BACH2: variants seen among roughly 807,000 people sequenced by gnomAD.
BACH2 encodes the protein BACH transcriptional regulator 2, also known as transcription regulator protein BACH2.
In BACH2, 5 loss-of-function variants were observed where a neutral mutation model predicts 61.8. That is an observed-to-expected ratio of 0.08 (90% CI 0.04 to 0.17). BACH2 has a LOEUF of 0.17. Among genes scored for constraint, BACH2 ranks in the 10% least tolerant of loss-of-function variants. The pLI is 1.00. For synonymous variants in BACH2, 446 were observed against 440.1 expected (o/e 1.01, Z -0.17); for missense variants, 824 against 1,091.1 (o/e 0.76, Z 3.45).
intron 3 of BACH2, among the ~76,000 whole-genome samples, chr6:90,210,780 C>T (rs1382956065): frequency 1.3e-5 from 2 of 152,156 alleles, no homozygotes; most frequent in African/African-American, 2.4e-5. Context: ...GTGACTTCCA[C>T]TCAGCTGATC....
At chr6:90,034,123 G>C (rs1216246778) in intron 5 of BACH2, among the ~76,000 whole-genome samples, 1 of 152,132 alleles carries the variant, frequency 6.6e-6, no homozygotes, top group East Asian at 1.9e-4. Context: ...TGAAACTGTA[G>C]TTATATGGTG....
At chr6:90,027,652 C>A (rs1354549281) in intron 5 of BACH2, among the ~76,000 whole-genome samples, 3 of 152,188 alleles carry the variant, frequency 2.0e-5, no homozygotes, top group Non-Finnish European at 2.9e-5. Flanking sequence ...TTTTCCATTT[C>A]TCCTTCCATC....
chr6:90,127,910 T>C (rs952544642), intron 4 of BACH2, among the ~76,000 whole-genome samples: 3 of 152,222 alleles, frequency 2.0e-5, no homozygotes, highest in African/African-American at 7.2e-5. Flanking sequence ...AACTACGCAG[T>C]GCAAGGACTT....
At chr6:90,174,280 T>C (rs907771974) in intron 4 of BACH2, among the ~76,000 whole-genome samples, 1 of 152,004 alleles carries the variant, frequency 6.6e-6, no homozygotes, top group African/African-American at 2.4e-5. Flanking sequence ...CAATCAGTGT[T>C]ATTCACTAGA....
intron 4 of BACH2, among the ~76,000 whole-genome samples, chr6:90,172,738 G>C (rs2127837870): frequency 6.6e-6 from 1 of 152,158 alleles, no homozygotes; most frequent in South Asian, 2.1e-4. Flanking sequence ...TTCATTAAAG[G>C]TACTTCTAAA....
chr6:90,150,271 C>G (rs1054850959), intron 4 of BACH2, among the ~76,000 whole-genome samples: 1 of 152,114 alleles, frequency 6.6e-6, no homozygotes, highest in African/African-American at 2.4e-5. Flanking sequence ...CAACTGGTCT[C>G]CTTGTTTCAA....
chr6:90,196,541 A>C (rs1035508624), intron 4 of BACH2, among the ~76,000 whole-genome samples: 9 of 152,306 alleles, frequency 5.9e-5, no homozygotes, highest in Middle Eastern at 3.4e-3. Flanking sequence ...CTCATCCCAA[A>C]TGCCGTAATC....
At chr6:90,026,137 C>T (rs1025867107) in intron 5 of BACH2, among the ~76,000 whole-genome samples, 5 of 152,024 alleles carry the variant, frequency 3.3e-5, no homozygotes, top group African/African-American at 9.7e-5. Context: ...AGTCAAATGC[C>T]GAAAAGAGGG....
intron 4 of BACH2, among the ~76,000 whole-genome samples, chr6:90,180,501 C>T (rs1768121294): frequency 6.6e-6 from 1 of 152,074 alleles, no homozygotes; most frequent in African/African-American, 2.4e-5. Context: ...CTGTACCCAA[C>T]AGGTAGCTTT....
intron 5 of BACH2, among the ~76,000 whole-genome samples, chr6:90,057,804 G>A (rs1384295266): frequency 2.0e-5 from 3 of 152,220 alleles, no homozygotes; most frequent in Non-Finnish European, 4.4e-5. Context: ...TCCCTGGGAT[G>A]CAAGGCTGGT....
intron 5 of BACH2, among the ~76,000 whole-genome samples, chr6:90,028,470 T>C (rs1283177251): frequency 6.6e-6 from 1 of 152,236 alleles, no homozygotes; most frequent in East Asian, 1.9e-4. Context: ...TGCATGTATG[T>C]TCTGCCCAAA....
intron 8 of BACH2, among the ~76,000 whole-genome samples, chr6:89,937,606 T>C (rs1330863663): frequency 6.6e-6 from 1 of 152,156 alleles, no homozygotes; most frequent in Non-Finnish European, 1.5e-5. Context: ...CTCCACTCAC[T>C]GCAACCTTCA....
chr6:89,937,287 C>T (rs1773082014), intron 8 of BACH2, among the ~76,000 whole-genome samples: 1 of 152,106 alleles, frequency 6.6e-6, no homozygotes, highest in Non-Finnish European at 1.5e-5. Context: ...ATTCCATTCT[C>T]TTCTGCCAGG....
At chr6:90,147,204 G>A (rs1784651913) in intron 4 of BACH2, among the ~76,000 whole-genome samples, 1 of 152,154 alleles carries the variant, frequency 6.6e-6, no homozygotes, top group Non-Finnish European at 1.5e-5. Flanking sequence ...AAGTATCTGA[G>A]GGTAGGAAAT....
chr6:89,950,920 G>A lies in BACH2; in HGVS notation c.1186C>T (p.His396Tyr). Residue 396 changes from histidine to tyrosine, a missense_variant, in exon 7 of 9, where the codon CAC becomes TAC. Coordinates refer to ENST00000257749, the MANE Select transcript of BACH2 (RefSeq NM_021813.4). The surrounding 1 kb of genome is among the most constrained non-coding windows in gnomAD (Gnocchi z 5.3). ...TPFTGNYGQP[H>Y]VGQKEVSNFT... Reference sequence around the variant, plus strand: ...TTGGACACCTCCTTCTGGCCCACGTGGGGCTGTCCATAATTCCCTGTGAAA... The same window carrying A: ...TTGGACACCTCCTTCTGGCCCACGTAGGGCTGTCCATAATTCCCTGTGAAA... 6.3e-7 allele frequency: 1 copy of A among 1,585,806 alleles called. No homozygotes were observed. The highest frequency in any genetic ancestry group is 8.6e-7 in the Non-Finnish European group (1 of 1,165,970).
At chr6:90,078,690 C>T (rs1029677608) in intron 5 of BACH2, among the ~76,000 whole-genome samples, 4 of 152,106 alleles carry the variant, frequency 2.6e-5, no homozygotes, top group Admixed American at 6.6e-5. Flanking sequence ...CTCACTGAAT[C>T]CCCACAACCA....
chr6:90,268,677 T>C (rs942424882), intron 2 of BACH2, among the ~76,000 whole-genome samples: 28 of 152,128 alleles, frequency 1.8e-4, no homozygotes, highest in African/African-American at 6.8e-4. Flanking sequence ...ATCCATGACA[T>C]ACTGGAAATT....
At chr6:90,079,159 T>C (rs1226951344) in intron 5 of BACH2, among the ~76,000 whole-genome samples, 2 of 152,192 alleles carry the variant, frequency 1.3e-5, no homozygotes, top group South Asian at 4.1e-4. Context: ...TCACTTACTG[T>C]GGTTGCATTC....
chr6:90,132,772 G>A (rs1784121553), intron 4 of BACH2, among the ~76,000 whole-genome samples: 1 of 152,124 alleles, frequency 6.6e-6, no homozygotes, highest in Non-Finnish European at 1.5e-5. Context: ...TTGTATTCAT[G>A]GCCCCCAACA....
Sources: gnomAD v4.1 joint callset for allele counts (sites outside exome capture counted in the v4.1 genomes callset) on GRCh38, gnomAD v4.1.1 for gene constraint, Gnocchi (gnomAD v3.1) non-coding constraint, MANE v1.5 for transcripts, NCBI Gene and HGNC (gene_info 2026-07-23, HGNC 2026-07-21) for gene names.